AHR: variants seen among roughly 807,000 people sequenced by gnomAD.
AHR encodes AH-receptor.
A neutral mutation model predicts 86.8 loss-of-function variants in AHR; 40 were observed. The observed-to-expected ratio is 0.46, with a 90% confidence interval of 0.36 to 0.60. The LOEUF (loss-of-function observed/expected upper bound fraction) is 0.60, where lower values mean the gene tolerates loss of function less well. Among genes scored for constraint, AHR ranks in the 20% least tolerant of loss-of-function variants. The pLI is 0.00. For missense variants in AHR, 1,001 were observed against 1,011.6 expected, an observed-to-expected ratio of 0.99 and a Z score of 0.14; for synonymous variants, 398 against 354.9, an observed-to-expected ratio of 1.12 and a Z score of -1.37.
In AHR at chr7:17,330,045, C is replaced by G. The variant is rs776836010; in HGVS notation, c.544C>G (p.Gln182Glu). Residue 182 changes from glutamine (Q) to glutamate (E), a missense_variant, in exon 5 of 11, where the codon CAG becomes GAG. Physicochemically the swap from Gln to Glu is conservative, Grantham distance 29. Coordinates refer to ENST00000242057, the MANE Select transcript of AHR (RefSeq NM_001621.5). ...RQLHWALNPS[Q>E]CTESGQGIEE... The stretch of plus-strand genomic sequence containing the variant: ...GCTACACTGGGCATTAAATCCTTCT[C>G]AGTGTACAGAGTCTGGACAAGGAAT... The G allele has an allele frequency of 6.8e-6, 11 of 1,611,094 alleles. 1 individual carries two copies. In the South Asian group the frequency reaches 1.1e-4, roughly 16 times the overall value.
At chr7:17,333,278 A>G (rs1017257899) in intron 6 of AHR, among the ~76,000 whole-genome samples, 1 of 151,832 alleles carries the variant, frequency 6.6e-6, no homozygotes, top group African/African-American at 2.4e-5. Context: ...TTGTGCTGCT[A>G]TTATTTTGAT....
chr7:17,298,830 G>T lies in AHR; in HGVS notation c.-435G>T. 1 of 398,290 alleles carries T rather than the reference G, an allele frequency of 2.5e-6. No homozygotes were observed. Among genetic ancestry groups the T allele is most frequent in the Middle Eastern group, 6.3e-4 (1 of 1,584 alleles). 24.7% of individuals were successfully genotyped at this position (398,290 alleles called of 1,614,324 possible). A position where few individuals can be genotyped will look rare whatever the true frequency, so the allele number is the denominator to read the frequency against. On this transcript the variant is annotated 5_prime_UTR_variant, in exon 1 of 11. Coordinates refer to ENST00000242057, the MANE Select transcript of AHR (RefSeq NM_001621.5). ...TAGGAAGTCCCGGGAGCAGCGCGGC[G>T]GCACCTCCCTCACCCAAGGGGCCGC...
chr7:17,299,186 A>G lies in AHR; in HGVS notation c.-79A>G, dbSNP rs947239611. On this transcript the variant is annotated 5_prime_UTR_variant, in exon 1 of 11. Coordinates refer to ENST00000242057, the MANE Select transcript of AHR (RefSeq NM_001621.5). ...CGCGGAACCCGGCGCCGGCCGCCGC[A>G]GTGGTCCCAGCCTACACCGGGTTCC... 4 of 1,470,722 alleles carry G rather than the reference A, an allele frequency of 2.7e-6. No individual in the cohort carries two copies. The African/African-American group carries it at 4.4e-5, about 16-fold the overall frequency. 91.1% of individuals were successfully genotyped at this position (1,470,722 alleles called of 1,614,324 possible).
intron 5 of AHR, 58 bp from the exon 6 acceptor site, chr7:17,330,698 A>C: frequency 2.7e-6 from 4 of 1,457,088 alleles, no homozygotes; most frequent in Non-Finnish European, 3.7e-6. Context: ...TACCTATTCA[A>C]GTGCTTAATT....
At chr7:17,309,870 A>C in intron 1 of AHR, 66 bp from the exon 2 acceptor site, 1 of 1,328,202 alleles carries the variant, frequency 7.5e-7, no homozygotes, top group Non-Finnish European at 1.0e-6. Context: ...AGATGTTATA[A>C]TGCAATAGAA....
At chr7:17,317,339 A>G (rs182262107) in intron 2 of AHR, among the ~76,000 whole-genome samples, 10 of 152,192 alleles carry the variant, frequency 6.6e-5, no homozygotes, top group African/African-American at 2.4e-4. Flanking sequence ...CACTTGGAAA[A>G]GTGTGATAGC....
At chr7:17,306,281 T>TA in intron 1 of AHR, among the ~76,000 whole-genome samples, 1 of 152,310 alleles carries the variant, frequency 6.6e-6, no homozygotes, top group African/African-American at 2.4e-5. Context: ...AATTGTTCTG[T>TA]ATATCTTCAA....
intron 3 of AHR, among the ~76,000 whole-genome samples, chr7:17,325,956 AT>A (rs1782226160): frequency 1.3e-5 from 2 of 152,188 alleles, no homozygotes; most frequent in Non-Finnish European, 2.9e-5. Context: ...AAGTAAAAAA[AT>A]AGAACAAAAC....
intron 9 of AHR, among the ~76,000 whole-genome samples, chr7:17,337,292 G>A (rs1430790872): frequency 1.3e-5 from 2 of 151,980 alleles, no homozygotes; most frequent in Non-Finnish European, 2.9e-5. Context: ...AATATCCCAT[G>A]TAATCCTATG....
chr7:17,316,790 T>A (rs1398490621), intron 2 of AHR, among the ~76,000 whole-genome samples: 2 of 152,190 alleles, frequency 1.3e-5, no homozygotes, highest in African/African-American at 4.8e-5. Context: ...TTCTGTGTTA[T>A]GGAGACATTT....
rs141386258 is a variant in AHR at position 17,330,935 on chromosome 7, A to C, written c.705+49A>C. The C allele has an allele frequency of 3.6e-3, 5,623 of 1,573,364 alleles. 11 individuals are homozygous for C. The highest frequency in any genetic ancestry group is 4.5e-3 in the Non-Finnish European group (5,162 of 1,155,048). ...CTGGCTTTTACTATTGTTACAATAA[A>C]AGCTTGAGGCAAATTTAATTTAGCA... On this transcript the variant is annotated intron_variant, in intron 6 of 10. Transcript: ENST00000242057.
chr7:17,321,411 C>T (rs531511550), intron 2 of AHR, among the ~76,000 whole-genome samples: 1 of 151,908 alleles, frequency 6.6e-6, no homozygotes, highest in African/African-American at 2.4e-5. Flanking sequence ...GCTCAAATAA[C>T]TCCCACTTTT....
At position 17,310,437 on chromosome 7, in the gene AHR, A is replaced by T. The variant is rs544161156; in HGVS notation, c.253+314A>T. ...ACTTCAATATTTAAAAGTCTTTTTT[A>T]AAAAAAAAGAAAAGATAAAACACCA... On this transcript the variant is annotated intron_variant, in intron 2 of 10. Coordinates refer to ENST00000242057, the MANE Select transcript of AHR (RefSeq NM_001621.5). Among the ~76,000 whole-genome samples, 475 of 151,516 alleles carry T rather than the reference A, an allele frequency of 3.1e-3. 1 individual carries two copies. Among genetic ancestry groups the T allele is most frequent in the East Asian group, 3.7e-3 (19 of 5,184 alleles).
At chr7:17,332,823 A>G (rs1011595336) in intron 6 of AHR, among the ~76,000 whole-genome samples, 1 of 151,946 alleles carries the variant, frequency 6.6e-6, no homozygotes. Flanking sequence ...TATAAACTCT[A>G]TAGTAGTGTA....
intron 1 of AHR, among the ~76,000 whole-genome samples, chr7:17,301,969 A>G (rs1260473171): frequency 6.6e-6 from 1 of 151,974 alleles, no homozygotes; most frequent in Non-Finnish European, 1.5e-5. Flanking sequence ...GAAAAAGAGA[A>G]CAAATCCTGT....
Position 17,339,128 on chromosome 7 carries a change from A to G in AHR, c.1303A>G (p.Thr435Ala). Residue 435 changes from threonine to alanine, a missense_variant, in exon 10 of 11, where the codon ACT becomes GCT. Around this residue, in one of 2 missense-constraint regions of AHR, gnomAD observed 607 missense variants for 543.1 expected, o/e 1.12. Transcript: ENST00000242057. ...DPLPLRTKNG[T>A]SGKDSATTST... ...CTTACCACTAAGGACTAAAAATGGC[A>G]CTAGTGGAAAAGACTCTGCTACCAC... is the stretch of plus-strand genomic sequence containing the variant. 6.2e-7 allele frequency: 1 copy of G among 1,614,160 alleles called. No homozygotes were observed. The highest frequency in any genetic ancestry group is 1.1e-5 in the South Asian group (1 of 91,078).
At chr7:17,311,805 A>T (rs1782066994) in intron 2 of AHR, among the ~76,000 whole-genome samples, 1 of 152,194 alleles carries the variant, frequency 6.6e-6, no homozygotes, top group South Asian at 2.1e-4. Flanking sequence ...AGCTATAGTC[A>T]TTTAGCTGAC....
intron 6 of AHR, among the ~76,000 whole-genome samples, chr7:17,333,479 T>C (rs1019635826): frequency 6.6e-6 from 1 of 151,994 alleles, no homozygotes; most frequent in Non-Finnish European, 1.5e-5. Flanking sequence ...TTTGCCTCTA[T>C]AGAAAAGATT....
At chr7:17,326,372 G>C (rs573394389) in intron 3 of AHR, among the ~76,000 whole-genome samples, 1 of 152,236 alleles carries the variant, frequency 6.6e-6, no homozygotes, top group South Asian at 2.1e-4. Context: ...TGAAGATATC[G>C]ACTGGACTAT....
Sources: gnomAD v4.1 joint callset for allele counts (sites outside exome capture counted in the v4.1 genomes callset) on GRCh38, gnomAD v4.1.1 for gene constraint, gnomAD v4.1.1 regional missense constraint, MANE v1.5 for transcripts, NCBI Gene and HGNC (gene_info 2026-07-23, HGNC 2026-07-21) for gene names.